Variants in MEMO1 observed in about 807,000 individuals in gnomAD.
MEMO1 encodes mediator of cell motility 1.
Under a neutral mutation model 45.2 loss-of-function variants are expected in MEMO1, and 6 were observed. The observed-to-expected ratio is 0.13, with a 90% CI of 0.07 to 0.26. The LOEUF is 0.26. Among genes scored for constraint, MEMO1 ranks in the 10% least tolerant of loss-of-function variants. The pLI is 1.00. For synonymous variants in MEMO1, 78 were observed against 124.3 expected, an observed-to-expected ratio of 0.63 and a Z score of 2.48; for missense variants, 184 against 370.5, an observed-to-expected ratio of 0.50 and a Z score of 4.13.
At chr2:31,910,131 A>C (rs1176648117) in intron 6 of MEMO1, among the ~76,000 whole-genome samples, 2 of 152,116 alleles carry the variant, frequency 1.3e-5, no homozygotes, top group Non-Finnish European at 2.9e-5. Context: ...AAAAAAACCC[A>C]CTAATTTAGA....
chr2:31,930,545 T>C (rs1664020738), intron 4 of MEMO1, among the ~76,000 whole-genome samples: 2 of 152,176 alleles, frequency 1.3e-5, no homozygotes, highest in Non-Finnish European at 2.9e-5. Context: ...ATAAAACTTC[T>C]GCCAAATAGA....
At chr2:31,933,341 AAAAAAAAATTTATATAT>A (rs1558514148) in intron 3 of MEMO1, among the ~76,000 whole-genome samples, 2 of 64,040 alleles carry the variant, frequency 3.1e-5, no homozygotes, top group African/African-American at 7.0e-5. Context: ...AAAAAAAAAA[AAAAAAAAATTTATATAT>A]ATATATATAT....
At chr2:31,925,802 A>C (rs1683009411) in intron 4 of MEMO1, among the ~76,000 whole-genome samples, 1 of 152,132 alleles carries the variant, frequency 6.6e-6, no homozygotes, top group Non-Finnish European at 1.5e-5. Flanking sequence ...CCTTACTCAC[A>C]CTAAGTTTAA....
chr2:31,988,968 A>G (rs1671610270), intron 2 of MEMO1, among the ~76,000 whole-genome samples: 1 of 152,184 alleles, frequency 6.6e-6, no homozygotes, highest in Admixed American at 6.5e-5. Flanking sequence ...GCACTTTGAG[A>G]GGCCAAGGCA....
intron 6 of MEMO1, among the ~76,000 whole-genome samples, chr2:31,915,305 G>C (rs1304843936): frequency 6.6e-6 from 1 of 152,156 alleles, no homozygotes; most frequent in Non-Finnish European, 1.5e-5. Context: ...GACATGAATT[G>C]TCCACCAGAG....
chr2:31,964,528 C>A (rs974412768), intron 2 of MEMO1, among the ~76,000 whole-genome samples: 4 of 151,784 alleles, frequency 2.6e-5, no homozygotes, highest in African/African-American at 9.7e-5. Context: ...GAAACCCCGT[C>A]TCTACTAAAA....
chr2:31,951,345 T>C (rs1163317542), intron 2 of MEMO1, among the ~76,000 whole-genome samples: 1 of 152,186 alleles, frequency 6.6e-6, no homozygotes, highest in Non-Finnish European at 1.5e-5. Context: ...TTAAAATTCA[T>C]GAAATATACT....
intron 2 of MEMO1, among the ~76,000 whole-genome samples, chr2:32,006,039 T>G (rs1211233576): frequency 6.6e-6 from 1 of 152,184 alleles, no homozygotes; most frequent in African/African-American, 2.4e-5. Context: ...AACAGCATGA[T>G]GTATTTAAAG....
intron 3 of MEMO1, among the ~76,000 whole-genome samples, chr2:31,938,764 C>T (rs1009170428): frequency 1.3e-5 from 2 of 151,312 alleles, no homozygotes; most frequent in Non-Finnish European, 2.9e-5. Flanking sequence ...AATAGCATAA[C>T]CCTTTCATGC....
In MEMO1 at chr2:31,873,071, G is replaced by GA. The variant is rs202095686; in HGVS notation, c.658-3120dup. On this transcript the variant is annotated intron_variant, in intron 8 of 9. Transcript: ENST00000404530. ...GCTGTTGGCAAAAGTCCAAGAAGAT[G>GA]AAAAAGAATATCCTTCCCCAATTAG... Among the ~76,000 whole-genome samples the GA allele has an allele frequency of 9.0e-3, 1,372 of 152,216 alleles. 20 individuals carry two copies. The highest frequency in any genetic ancestry group is 0.031 in the African/African-American group (1,280 of 41,560).
chr2:31,899,118 G>A (rs562237100), intron 6 of MEMO1, among the ~76,000 whole-genome samples: 4 of 152,216 alleles, frequency 2.6e-5, no homozygotes, highest in African/African-American at 7.2e-5. Context: ...CCCAAAGTAA[G>A]TTATAGATTC....
intron 6 of MEMO1, among the ~76,000 whole-genome samples, chr2:31,902,834 C>G (rs1042048166): frequency 2.6e-5 from 4 of 151,976 alleles, no homozygotes; most frequent in African/African-American, 9.7e-5. Context: ...TCACTGCAGC[C>G]TCAAACTCCT....
intron 2 of MEMO1, among the ~76,000 whole-genome samples, chr2:31,972,172 T>C (rs543514187): frequency 6.6e-6 from 1 of 152,316 alleles, no homozygotes; most frequent in Non-Finnish European, 1.5e-5. Context: ...AGCAGAGAGA[T>C]GGTCTGGTGG....
intron 2 of MEMO1, among the ~76,000 whole-genome samples, chr2:31,970,629 T>C (rs1669273660): frequency 6.6e-6 from 1 of 150,576 alleles, no homozygotes; most frequent in East Asian, 1.9e-4. Flanking sequence ...CCCACCAGGA[T>C]GAAGCAAAAA....
At chr2:31,884,213 A>T (rs1222721209) in intron 7 of MEMO1, among the ~76,000 whole-genome samples, 1 of 152,154 alleles carries the variant, frequency 6.6e-6, no homozygotes, top group African/African-American at 2.4e-5. Context: ...CAGAAAATAA[A>T]TTCTGTTTCC....
intron 4 of MEMO1, among the ~76,000 whole-genome samples, chr2:31,923,065 G>A (rs926724253): frequency 2.0e-5 from 3 of 152,028 alleles, no homozygotes; most frequent in Admixed American, 6.6e-5. Flanking sequence ...TTTCCACAAT[G>A]ATTGAATCAA....
intron 2 of MEMO1, among the ~76,000 whole-genome samples, chr2:31,984,115 T>C (rs550023068): frequency 1.4e-4 from 21 of 152,276 alleles, no homozygotes; most frequent in African/African-American, 4.6e-4. Context: ...AAAGTGTGGG[T>C]TGGACTTCAG....
At chr2:31,881,362 G>T (rs1675331782) in intron 8 of MEMO1, among the ~76,000 whole-genome samples, 1 of 151,644 alleles carries the variant, frequency 6.6e-6, no homozygotes, top group Non-Finnish European at 1.5e-5. Context: ...AGGTGTGGTG[G>T]TATGCATCTG....
intron 6 of MEMO1, among the ~76,000 whole-genome samples, chr2:31,902,755 G>T (rs921129177): frequency 4.7e-5 from 7 of 150,246 alleles, no homozygotes; most frequent in South Asian, 4.2e-4. Flanking sequence ...TGTTTGTTTT[G>T]TTTTTTTTTG....
Sources: gnomAD v4.1 joint callset for allele counts (sites outside exome capture counted in the v4.1 genomes callset) on GRCh38, gnomAD v4.1.1 for gene constraint, MANE v1.5 for transcripts, NCBI Gene and HGNC (gene_info 2026-07-23, HGNC 2026-07-21) for gene names.